Variants in SGCZ observed in about 807,000 individuals in gnomAD.
SGCZ encodes the protein sarcoglycan zeta, also known as zeta-sarcoglycan.
SGCZ carries 40 observed loss-of-function variants against 41.3 expected under a neutral mutation model. The ratio of observed to expected loss-of-function variants is 0.97; its 90% CI spans 0.75 to 1.26. The LOEUF is 1.26. Ranked by LOEUF, SGCZ falls within the 50% of genes most tolerant of loss-of-function variation. The probability of loss-of-function intolerance (pLI) is 0.00; values close to 1 mark genes in which losing one functional copy is unlikely to be tolerated. For missense variants in SGCZ, 552 were observed against 369.8 expected, an observed-to-expected ratio of 1.49 and a Z score of -4.04; for synonymous variants, 206 against 137.5, an observed-to-expected ratio of 1.50 and a Z score of -3.49.
chr8:14,353,449 T>A (rs1280384935), intron 2 of SGCZ, among the ~76,000 whole-genome samples: 1 of 152,032 alleles, frequency 6.6e-6, no homozygotes, highest in African/African-American at 2.4e-5. Context: ...AGACCACTAT[T>A]TTCAACTATC....
intron 1 of SGCZ, among the ~76,000 whole-genome samples, chr8:14,799,397 G>C (rs990741331): frequency 1.3e-5 from 2 of 152,062 alleles, no homozygotes; most frequent in East Asian, 3.9e-4. Flanking sequence ...TGATTTCCAG[G>C]AGAACCCCAA....
intron 1 of SGCZ, among the ~76,000 whole-genome samples, chr8:15,068,044 G>A (rs1805215824): frequency 6.6e-6 from 1 of 152,222 alleles, no homozygotes; most frequent in South Asian, 2.1e-4. Context: ...GTAGTTTAGA[G>A]TGGTTGGGTC....
At chr8:14,762,099 T>G (rs942463521) in intron 1 of SGCZ, among the ~76,000 whole-genome samples, 1 of 151,862 alleles carries the variant, frequency 6.6e-6, no homozygotes, top group African/African-American at 2.4e-5. Context: ...GAAAGCCCCT[T>G]TTTTTCCAAA....
chr8:14,994,667 T>C (rs1309915344), intron 1 of SGCZ, among the ~76,000 whole-genome samples: 1 of 152,004 alleles, frequency 6.6e-6, no homozygotes, highest in Non-Finnish European at 1.5e-5. Flanking sequence ...TGTATGTGTG[T>C]GTGTATACTC....
intron 2 of SGCZ, among the ~76,000 whole-genome samples, chr8:14,378,153 A>G (rs1423251303): frequency 2.0e-5 from 3 of 150,272 alleles, no homozygotes; most frequent in African/African-American, 7.5e-5. Flanking sequence ...CCAACAGTGT[A>G]AAAGTGTTCC....
At chr8:14,825,346 C>G (rs1802264716) in intron 1 of SGCZ, among the ~76,000 whole-genome samples, 1 of 152,122 alleles carries the variant, frequency 6.6e-6, no homozygotes, top group Admixed American at 6.6e-5. Context: ...CTAATAGAAT[C>G]TTTACAATTT....
chr8:14,588,854 T>C (rs968967487), intron 1 of SGCZ, among the ~76,000 whole-genome samples: 3 of 152,208 alleles, frequency 2.0e-5, no homozygotes, highest in African/African-American at 7.2e-5. Context: ...TTTGGTACAC[T>C]CATCCTCAGT....
chr8:14,247,783 G>C (rs768677045), intron 3 of SGCZ, among the ~76,000 whole-genome samples: 1 of 152,180 alleles, frequency 6.6e-6, no homozygotes, highest in Non-Finnish European at 1.5e-5. Context: ...TCCACTGTGA[G>C]TGCTACTGTC....
chr8:14,107,028 A>T (rs1276779386), intron 6 of SGCZ, among the ~76,000 whole-genome samples: 1 of 152,140 alleles, frequency 6.6e-6, no homozygotes, highest in Non-Finnish European at 1.5e-5. Context: ...TATCCGGAGC[A>T]ACATGGTGAA....
At chr8:14,287,427 C>G (rs1221615922) in intron 3 of SGCZ, among the ~76,000 whole-genome samples, 1 of 146,844 alleles carries the variant, frequency 6.8e-6, no homozygotes, top group Non-Finnish European at 1.5e-5. Context: ...TATTATATTA[C>G]CGATTTCTGT....
At chr8:15,069,958 AC>A in intron 1 of SGCZ, among the ~76,000 whole-genome samples, 1 of 149,096 alleles carries the variant, frequency 6.7e-6, no homozygotes, top group South Asian at 2.1e-4. Context: ...ACACACACAC[AC>A]AAACCTGCAA....
At position 14,085,828 on chromosome 8, in the gene SGCZ, C is replaced by A. The variant is rs1243633318; in HGVS notation, c.*4615G>T. Among the ~76,000 whole-genome samples the A allele has an allele frequency of 6.6e-6, 1 of 151,732 alleles. No individual in the cohort carries two copies. Among genetic ancestry groups the A allele is most frequent in the Non-Finnish European group, 1.5e-5 (1 of 67,802 alleles). The stretch of plus-strand genomic sequence containing the variant: ...GATCCTCCAAGAAGGATGTTTACTA[C>A]CTCATGTTATAATTATAAGCCCCCC... On this transcript the variant is annotated 3_prime_UTR_variant, in exon 8 of 8. Transcript: ENST00000382080.
chr8:14,987,123 C>T (rs1224991248), intron 1 of SGCZ, among the ~76,000 whole-genome samples: 2 of 151,758 alleles, frequency 1.3e-5, no homozygotes, highest in African/African-American at 2.4e-5. Flanking sequence ...TTTAAAATTA[C>T]TATAATTAGA....
intron 1 of SGCZ, among the ~76,000 whole-genome samples, chr8:14,749,729 T>C (rs538556410): frequency 6.6e-6 from 1 of 151,960 alleles, no homozygotes; most frequent in African/African-American, 2.4e-5. Flanking sequence ...AGTTTTTTTT[T>C]AAATCAGTCA....
intron 1 of SGCZ, among the ~76,000 whole-genome samples, chr8:14,773,018 GGTTGAACTAGCTTACAGTCCCACCAACA>G: frequency 6.6e-6 from 1 of 152,114 alleles, no homozygotes; most frequent in Admixed American, 6.6e-5. Context: ...CTTCCACAAT[GGTTGAACTAGCTTACAGTCCCACCAACA>G]GTGTAAAAGT....
intron 1 of SGCZ, among the ~76,000 whole-genome samples, chr8:14,580,378 T>C (rs1355372346): frequency 6.6e-6 from 1 of 152,198 alleles, no homozygotes; most frequent in East Asian, 1.9e-4. Flanking sequence ...AAAATAGTAA[T>C]ACTTTAAATG....
At chr8:15,207,343 T>C (rs1191483111) in intron 1 of SGCZ, among the ~76,000 whole-genome samples, 1 of 152,096 alleles carries the variant, frequency 6.6e-6, no homozygotes, top group Non-Finnish European at 1.5e-5. Context: ...AGATGATGTG[T>C]GCCAAAAAAC....
At chr8:15,182,217 G>A (rs1346819956) in intron 1 of SGCZ, among the ~76,000 whole-genome samples, 2 of 151,854 alleles carry the variant, frequency 1.3e-5, no homozygotes, top group Non-Finnish European at 2.9e-5. Context: ...TAATTCTTAG[G>A]TTAACTGACC....
chr8:14,751,928 A>C (rs978047757), intron 1 of SGCZ, among the ~76,000 whole-genome samples: 4 of 148,838 alleles, frequency 2.7e-5, no homozygotes, highest in African/African-American at 9.9e-5. Context: ...TGAGACTCCG[A>C]CTCAAGAAAA....
Sources: gnomAD v4.1 joint callset for allele counts (sites outside exome capture counted in the v4.1 genomes callset) on GRCh38, gnomAD v4.1.1 for gene constraint, MANE v1.5 for transcripts, NCBI Gene and HGNC (gene_info 2026-07-23, HGNC 2026-07-21) for gene names.